The following CLCN5 variants were observed in gnomAD, a reference collection of about 807,000 sequenced individuals.
CLCN5 encodes the protein Cl-/H+ antiporter 5.
Under a neutral mutation model 54.0 loss-of-function variants are expected in CLCN5, and 17 were observed. That is an observed-to-expected ratio of 0.31 (90% confidence interval 0.22 to 0.47). The LOEUF is 0.47. CLCN5 is among the 20% of genes least tolerant of loss of function. The pLI is 1.00. For synonymous variants in CLCN5, 222 were observed against 233.0 expected (o/e 0.95, Z 0.43); for missense variants, 448 against 646.7 (o/e 0.69, Z 3.33).
At position 50,046,536 on chromosome X, in the gene CLCN5, G is replaced by T. The variant is rs553749471; in HGVS notation, c.163+4074G>T. On this transcript the variant is annotated intron_variant, in intron 4 of 14. Coordinates refer to ENST00000376091, the MANE Select transcript of CLCN5 (RefSeq NM_001127898.4). The stretch of plus-strand genomic sequence containing the variant: ...TTTGAGGTCTGAGGCCCCCTGGGGT[G>T]GGAAGGGTGGTGGCAGTTGGAGCAA... Among the ~76,000 whole-genome samples the T allele has an allele frequency of 2.0e-4, 22 of 111,351 alleles. No homozygotes were observed. The South Asian group carries it at 8.1e-3, about 41-fold the overall frequency.
At chrX:50,080,833 C>A in intron 8 of CLCN5, 117 bp downstream of exon 8, 1 of 640,303 alleles carries the variant, frequency 1.6e-6, no homozygotes, top group Non-Finnish European at 2.5e-6. Flanking sequence ...AGGATCAGAT[C>A]CTGAGGCCAT....
At chrX:49,928,981 G>A (rs1332788076) in intron 3 of CLCN5, among the ~76,000 whole-genome samples, 1 of 111,944 alleles carries the variant, frequency 8.9e-6, no homozygotes, top group Non-Finnish European at 1.9e-5. Context: ...TATGCCCAAC[G>A]TCAAACAGGT....
At chrX:49,938,218 G>A (rs1235659893) in intron 3 of CLCN5, among the ~76,000 whole-genome samples, 1 of 111,018 alleles carries the variant, frequency 9.0e-6, no homozygotes, top group Non-Finnish European at 1.9e-5. Flanking sequence ...ACTGCCCAAG[G>A]TAATTTATAG....
rs1380344796 is a variant in CLCN5, at chrX:50,004,841, C to T, written c.17-37475C>T. On this transcript the variant is annotated intron_variant, in intron 3 of 14. Transcript: ENST00000376091. ...AGGAGAATCGCTTGAACCCGGGAGG[C>T]GGAGGTTGCAGTGAGCCAAGATCGT... Among the ~76,000 whole-genome samples, 4 of 111,419 alleles carry T rather than the reference C, an allele frequency of 3.6e-5. No individual in the cohort carries two copies. The South Asian group carries it at 1.2e-3, about 32-fold the overall frequency.
chrX:49,991,855 C>T (rs1411730898), intron 3 of CLCN5, among the ~76,000 whole-genome samples: 1 of 111,557 alleles, frequency 9.0e-6, no homozygotes, highest in African/African-American at 3.3e-5. Flanking sequence ...ACAGCCCCAG[C>T]GATGTCTTCT....
chrX:49,998,969 G>A (rs1264499098), intron 3 of CLCN5, among the ~76,000 whole-genome samples: 1 of 110,740 alleles, frequency 9.0e-6, no homozygotes, highest in Non-Finnish European at 1.9e-5. Flanking sequence ...CAACTTACAG[G>A]AGAGTGAATT....
Position 50,069,915 on chromosome X carries a change from CAA to C in CLCN5, c.202_203del (p.Asn68Ter). 8.3e-7 allele frequency: 1 copy of C among 1,209,229 alleles called. No homozygotes were observed. Among genetic ancestry groups the C allele is most frequent in the Non-Finnish European group, 1.1e-6 (1 of 893,899 alleles). ...TACAATGGTGGAGGAATAGGTTCTT[CAA>C]ATAGGATCATGGACTTCTTGGAGGA... On this transcript the variant is annotated frameshift_variant, in exon 5 of 15. Coordinates refer to ENST00000376091, the MANE Select transcript of CLCN5 (RefSeq NM_001127898.4). LOFTEE classifies it high-confidence loss of function.
intron 3 of CLCN5, among the ~76,000 whole-genome samples, chrX:50,041,653 G>T (rs1264380504): frequency 9.0e-6 from 1 of 111,422 alleles, no homozygotes; most frequent in Non-Finnish European, 1.9e-5. Context: ...GATTACTTGT[G>T]AACTACTGTT....
chrX:50,028,661 C>T (rs1931539161), intron 3 of CLCN5, among the ~76,000 whole-genome samples: 1 of 111,664 alleles, frequency 9.0e-6, no homozygotes, highest in African/African-American at 3.3e-5. Context: ...TGTTGATTTC[C>T]AGTTTGTATT....
At chrX:50,012,724 C>A (rs1205034447) in intron 3 of CLCN5, among the ~76,000 whole-genome samples, 1 of 111,846 alleles carries the variant, frequency 8.9e-6, no homozygotes, top group African/African-American at 3.3e-5. Flanking sequence ...CCAGCAGCAT[C>A]TGTATCACCT....
chrX:49,984,705 T>C (rs1928913450), intron 3 of CLCN5, among the ~76,000 whole-genome samples: 1 of 110,282 alleles, frequency 9.1e-6, no homozygotes, highest in East Asian at 2.8e-4. Context: ...GTCTCAAACG[T>C]TGGGGCTCAA....
Position 49,976,039 on chromosome X carries a change from G to A in CLCN5, c.16+50725G>A, listed in dbSNP as rs1017088079. Among the ~76,000 whole-genome samples the A allele has an allele frequency of 4.5e-5, 5 of 111,749 alleles. No individual in the cohort carries two copies. The East Asian group carries it at 1.4e-3, about 31-fold the overall frequency. ...ACACTAACCATCCTACAGTGCACAG[G>A]ACAGCCCCCCACAACAAAGTTAGTA... On this transcript the variant is annotated intron_variant, in intron 3 of 14. Coordinates refer to ENST00000376091, the MANE Select transcript of CLCN5 (RefSeq NM_001127898.4).
At chrX:49,953,149 G>A (rs1927135871) in intron 3 of CLCN5, among the ~76,000 whole-genome samples, 1 of 111,217 alleles carries the variant, frequency 9.0e-6, no homozygotes, top group South Asian at 3.8e-4. Flanking sequence ...GCCTCCCAAA[G>A]TACTGGGATT....
intron 3 of CLCN5, among the ~76,000 whole-genome samples, chrX:49,976,481 C>T (rs1166247934): frequency 4.5e-5 from 5 of 112,004 alleles, no homozygotes; most frequent in African/African-American, 1.3e-4. Context: ...GAGACTGCCA[C>T]TAATAGTTAA....
At chrX:50,030,144 A>G (rs868909599) in intron 3 of CLCN5, among the ~76,000 whole-genome samples, 4 of 112,175 alleles carry the variant, frequency 3.6e-5, no homozygotes, top group Middle Eastern at 4.7e-3. Context: ...AAAAGATGCC[A>G]CGGGGACTTT....
rs1206390040 is a variant in CLCN5, at chrX:49,991,691, G to C, written c.17-50625G>C. On this transcript the variant is annotated intron_variant, in intron 3 of 14. Coordinates refer to ENST00000376091, the MANE Select transcript of CLCN5 (RefSeq NM_001127898.4). ...AATGCTACAAGTTTAGCCAAAGGAT[G>C]TCAAGGGGTTTTAAAACTTTCCTGT... Among the ~76,000 whole-genome samples the C allele has an allele frequency of 3.6e-5, 4 of 112,035 alleles. No homozygotes were observed. The East Asian group carries it at 1.1e-3, about 31-fold the overall frequency.
intron 3 of CLCN5, among the ~76,000 whole-genome samples, chrX:49,962,310 G>A (rs941582331): frequency 1.8e-5 from 2 of 111,463 alleles, no homozygotes. Context: ...AGGAAACACC[G>A]CTTCTCCCAA....
chrX:50,084,978 T>C (rs781967702), intron 9 of CLCN5, among the ~76,000 whole-genome samples: 11 of 111,952 alleles, frequency 9.8e-5, no homozygotes, highest in African/African-American at 3.2e-4. Context: ...CTTTCTTAAA[T>C]GAAAGCCATT....
intron 3 of CLCN5, among the ~76,000 whole-genome samples, chrX:49,955,044 G>C (rs1455582991): frequency 9.0e-6 from 1 of 110,697 alleles, no homozygotes; most frequent in Non-Finnish European, 1.9e-5. Context: ...GTTTAACTCT[G>C]GGATCTGTTA....
Sources: allele counts gnomAD v4.1 joint callset (sites outside exome capture counted in the v4.1 genomes callset), GRCh38; gene constraint gnomAD v4.1.1; transcripts MANE v1.5; gene names NCBI Gene and HGNC (gene_info 2026-07-23, HGNC 2026-07-21).